OAS1: variants seen among roughly 807,000 people sequenced by gnomAD.
The protein encoded by OAS1 is 2'-5'-oligoadenylate synthase 1.
OAS1 carries 24 observed loss-of-function variants against 38.5 expected under a neutral mutation model. The ratio of observed to expected loss-of-function variants is 0.62; its 90% CI spans 0.45 to 0.88. The LOEUF (loss-of-function observed/expected upper bound fraction) is 0.88, where lower values mean the gene tolerates loss of function less well. Ranked by LOEUF, OAS1 falls within the 40% of genes least tolerant of loss-of-function variation. The pLI is 0.00. For missense variants in OAS1, 482 were observed against 493.9 expected (o/e 0.98, Z 0.23); for synonymous variants, 169 against 193.9 (o/e 0.87, Z 1.07).
chr12:112,926,578 A>G (rs982659221), intron 6 of OAS1, among the ~76,000 whole-genome samples: 2 of 152,162 alleles, frequency 1.3e-5, no homozygotes, highest in African/African-American at 2.4e-5. Flanking sequence ...AAATGTACAT[A>G]TAGGGTGTGG....
chr12:112,926,850 C>T (rs2043561549), intron 6 of OAS1, among the ~76,000 whole-genome samples: 2 of 152,296 alleles, frequency 1.3e-5, no homozygotes, highest in South Asian at 4.2e-4. Context: ...TTATCTGCAA[C>T]TGGATAAGGC....
intron 2 of OAS1, chr12:112,909,037 T>C (rs1044679537): frequency 2.0e-6 from 1 of 490,704 alleles, no homozygotes; most frequent in Non-Finnish European, 3.5e-6. Flanking sequence ...CAAAGACATT[T>C]CTTACAGAAC....
At chr12:112,925,013 C>T (rs572258710) in intron 6 of OAS1, among the ~76,000 whole-genome samples, 314 of 152,100 alleles carry the variant, frequency 2.1e-3, no homozygotes, top group African/African-American at 7.3e-3. Flanking sequence ...ATTTCTGAGC[C>T]CTCAGAGATA....
intron 2 of OAS1, among the ~76,000 whole-genome samples, chr12:112,910,543 A>G (rs975603846): frequency 5.3e-5 from 8 of 151,940 alleles, no homozygotes; most frequent in Admixed American, 5.2e-4. Context: ...GGAGATCTGG[A>G]GGTTCTGGGA....
chr12:112,911,396 G>A (rs1037122800), intron 3 of OAS1, among the ~76,000 whole-genome samples, 161 bp downstream of exon 3: 1 of 151,992 alleles, frequency 6.6e-6, no homozygotes, highest in African/African-American at 2.4e-5. Flanking sequence ...GGTGGAGAGA[G>A]GAGCCTGCAA....
In OAS1 at chr12:112,924,962, G is replaced by A. The variant is rs111507538; in HGVS notation, c.1167+5347G>A. ...AACAGAGGACCAAGTGTGTAAGGAC[G>A]AGGGAAACTATGGTATAACATTGAA... On this transcript the variant is annotated intron_variant, in intron 6 of 6. Transcript: ENST00000540589. 7.9e-5 allele frequency among the ~76,000 whole-genome samples: 12 copies of A among 152,264 alleles called. 1 individual carries two copies. Among genetic ancestry groups the A allele is most frequent in the African/African-American group, 2.4e-4 (10 of 41,538 alleles).
At chr12:112,916,873 C>T in intron 4 of OAS1, 135 bp downstream of exon 4, 1 of 682,502 alleles carries the variant, frequency 1.5e-6, no homozygotes, top group South Asian at 1.7e-5. Flanking sequence ...TTGTACTGGG[C>T]ATTTTACTAC....
chr12:112,925,280 C>T (rs1287077146), intron 6 of OAS1, among the ~76,000 whole-genome samples: 1 of 152,080 alleles, frequency 6.6e-6, no homozygotes, highest in Non-Finnish European at 1.5e-5. Flanking sequence ...CGTGAACTCT[C>T]CCACACCCTC....
chr12:112,919,704 T>C lies in OAS1; in HGVS notation c.*151T>C, dbSNP rs982750082. ...ACCCAGGTCTCCTGACTCCTGGCCTTCTATGCCCTCTATCCTATCATAGAT... is the reference window on the plus strand; with the variant it reads ...ACCCAGGTCTCCTGACTCCTGGCCTCCTATGCCCTCTATCCTATCATAGAT... On this transcript the variant is annotated 3_prime_UTR_variant, in exon 6 of 6. Transcript: ENST00000202917. 2.0e-6 allele frequency: 3 copies of C among 1,535,510 alleles called. No individual in the cohort carries two copies. Among genetic ancestry groups the C allele is most frequent in the Non-Finnish European group, 2.6e-6 (3 of 1,137,388 alleles).
downstream of OAS1, among the ~76,000 whole-genome samples, chr12:112,923,070 G>A (rs1414734123): frequency 6.6e-6 from 1 of 152,126 alleles, no homozygotes; most frequent in African/African-American, 2.4e-5. Context: ...TACATTAAAT[G>A]TGTGCACTGT....
At chr12:112,925,874 TG>T (rs1326034956) in intron 6 of OAS1, among the ~76,000 whole-genome samples, 2 of 152,174 alleles carry the variant, frequency 1.3e-5, no homozygotes, top group African/African-American at 2.4e-5. Flanking sequence ...AGCTAATGGA[TG>T]ATGGATTTAT....
In OAS1 at chr12:112,911,048, C is replaced by G; in HGVS notation, c.470-3C>G. 4 of 1,612,372 alleles carry G rather than the reference C, an allele frequency of 2.5e-6. No homozygotes were observed. The highest frequency in any genetic ancestry group is 3.4e-6 in the Non-Finnish European group (4 of 1,178,898). ...ACCTAAGTTGTAGATTTTGCCCGAACAGGTCAGTTGACTGGCGGCTATAAA... is the reference window on the plus strand; with the variant it reads ...ACCTAAGTTGTAGATTTTGCCCGAAGAGGTCAGTTGACTGGCGGCTATAAA... On this transcript the variant is annotated splice_polypyrimidine_tract_variant and splice_region_variant and intron_variant, in intron 2 of 5. Transcript: ENST00000202917.
chr12:112,908,581 G>T lies in OAS1; in HGVS notation c.226G>T (p.Ala76Ser). Residue 76 changes from alanine to serine, a missense_variant, in exon 2 of 6, where the codon GCT becomes TCT. Ala to Ser is a moderately conservative substitution (Grantham distance 99). Transcript: ENST00000202917. ...CACCACCCTCAGAGGCCGATCTGAC[G>T]CTGACCTGGTTGTCTTCCTCAGTCC... ...KGTTLRGRSDADLVVFLSPLT... is the reference protein window; with the variant it reads ...KGTTLRGRSDSDLVVFLSPLT... 6.2e-7 allele frequency: 1 copy of T among 1,614,164 alleles called. No homozygotes were observed. The highest frequency in any genetic ancestry group is 8.5e-7 in the Non-Finnish European group (1 of 1,180,024).
chr12:112,916,148 A>G (rs1480192096), intron 3 of OAS1, among the ~76,000 whole-genome samples: 1 of 152,250 alleles, frequency 6.6e-6, no homozygotes, highest in African/African-American at 2.4e-5. Context: ...GATGAAAATC[A>G]TGAGGCTCTG....
intron 5 of OAS1, 193 bp from the exon 6 acceptor site, chr12:112,919,196 A>C: frequency 5.2e-6 from 3 of 572,036 alleles, no homozygotes; most frequent in Non-Finnish European, 9.3e-6. Context: ...GGCTCTCTGC[A>C]GCTGAGGCAA....
At chr12:112,909,568 G>A (rs1218923856) in intron 2 of OAS1, among the ~76,000 whole-genome samples, 1 of 152,186 alleles carries the variant, frequency 6.6e-6, no homozygotes, top group African/African-American at 2.4e-5. Flanking sequence ...CGCTGAGACT[G>A]AACGATCACA....
chr12:112,917,826 G>A, intron 5 of OAS1, 126 bp downstream of exon 5: 1 of 1,599,548 alleles, frequency 6.3e-7, no homozygotes. Context: ...TATTCATATA[G>A]TGACAGGCTG....
At chr12:112,917,462 G>T in intron 4 of OAS1, 85 bp from the exon 5 acceptor site, 1 of 1,562,720 alleles carries the variant, frequency 6.4e-7, no homozygotes, top group Non-Finnish European at 8.7e-7. Flanking sequence ...ATCCCATGCT[G>T]CTATTTTGCT....
intron 5 of OAS1, chr12:112,918,128 C>T (rs1451393819): frequency 8.2e-6 from 2 of 243,740 alleles, no homozygotes; most frequent in Non-Finnish European, 1.5e-5. Context: ...GTTTGGGCCT[C>T]TATTGATCCT....
Sources: gnomAD v4.1 joint callset for allele counts (sites outside exome capture counted in the v4.1 genomes callset) on GRCh38, gnomAD v4.1.1 for gene constraint, MANE v1.5 for transcripts, NCBI Gene and HGNC (gene_info 2026-07-23, HGNC 2026-07-21) for gene names.